Variants in RAPGEF1 observed in about 807,000 individuals in gnomAD.
RAPGEF1 encodes the protein Rap guanine nucleotide exchange factor 1.
In RAPGEF1, 33 loss-of-function variants were observed where a neutral mutation model predicts 143.3. The ratio of observed to expected loss-of-function variants is 0.23; its 90% CI spans 0.17 to 0.31. The LOEUF is 0.31. RAPGEF1 is among the 10% of genes least tolerant of loss of function. The probability of loss-of-function intolerance (pLI) is 1.00; values close to 1 mark genes in which losing one functional copy is unlikely to be tolerated. For synonymous variants in RAPGEF1, 629 were observed against 676.5 expected, an observed-to-expected ratio of 0.93 and a Z score of 1.09; for missense variants, 1,199 against 1,645.4, an observed-to-expected ratio of 0.73 and a Z score of 4.69.
At chr9:131,593,609 C>A (rs1954736693) in intron 17 of RAPGEF1, among the ~76,000 whole-genome samples, 1 of 152,212 alleles carries the variant, frequency 6.6e-6, no homozygotes, top group Non-Finnish European at 1.5e-5. Context: ...GCTGGCTTGG[C>A]TCCTGCCCCC....
At chr9:131,688,346 A>G (rs1031054391) in intron 1 of RAPGEF1, among the ~76,000 whole-genome samples, 1 of 152,218 alleles carries the variant, frequency 6.6e-6, no homozygotes, top group Non-Finnish European at 1.5e-5. Context: ...ACCACAATTC[A>G]CTGTTTATAC....
In RAPGEF1 at chr9:131,641,884, G is replaced by A. The variant is rs1000425931; in HGVS notation, c.494+1355C>T. 6.6e-6 allele frequency among the ~76,000 whole-genome samples: 1 copy of A among 152,256 alleles called. No homozygotes were observed. Among genetic ancestry groups the A allele is most frequent in the Non-Finnish European group, 1.5e-5 (1 of 68,036 alleles). ...CAGGGAGGAAGCCCCAGGGCAGAGA[G>A]TTTCTTGTAAATAAAGACACTATTT... is the stretch of plus-strand genomic sequence containing the variant. On this transcript the variant is annotated intron_variant, in intron 4 of 26. Transcript: ENST00000683357. The surrounding 1 kb of genome is among the most constrained non-coding windows in gnomAD (Gnocchi z 4.6).
At chr9:131,654,236 GA>G (rs530928449) in intron 1 of RAPGEF1, among the ~76,000 whole-genome samples, 51 of 146,608 alleles carry the variant, frequency 3.5e-4, no homozygotes, top group East Asian at 4.0e-4. Context: ...TGAATTACTA[GA>G]AAAAAAAAAG....
At chr9:131,627,145 C>T (rs960832688) in intron 9 of RAPGEF1, among the ~76,000 whole-genome samples, 4 of 134,632 alleles carry the variant, frequency 3.0e-5, no homozygotes, top group Admixed American at 8.3e-5. Context: ...ACCCGGGAGG[C>T]GGAGGTTGCA....
chr9:131,615,365 C>T (rs898363604), intron 12 of RAPGEF1, among the ~76,000 whole-genome samples: 4 of 152,184 alleles, frequency 2.6e-5, no homozygotes, highest in Admixed American at 1.3e-4. Context: ...TGAGCCACTG[C>T]ACCCAGCCGG....
At chr9:131,602,732 A>C (rs1359512508) in intron 14 of RAPGEF1, among the ~76,000 whole-genome samples, 1 of 152,230 alleles carries the variant, frequency 6.6e-6, no homozygotes, top group Non-Finnish European at 1.5e-5. Flanking sequence ...TCAGTCCCCA[A>C]AGGGCCAGCT....
chr9:131,667,982 G>T lies in RAPGEF1; in HGVS notation c.62-17033C>A, dbSNP rs1250807508. 6.6e-6 allele frequency among the ~76,000 whole-genome samples: 1 copy of T among 152,070 alleles called. No individual in the cohort carries two copies. Among genetic ancestry groups the T allele is most frequent in the Non-Finnish European group, 1.5e-5 (1 of 68,000 alleles). ...ACCGTTCAAAAATATACTCCTTTTT[G>T]GGATAAATGCCACCATCTTCAGTGG... On this transcript the variant is annotated intron_variant, in intron 1 of 26. Coordinates refer to ENST00000683357, the MANE Select transcript of RAPGEF1 (RefSeq NM_001377935.1). This position sits in a 1 kb window ranked among gnomAD's most constrained non-coding sequence, Gnocchi z 4.6.
In RAPGEF1 at chr9:131,675,373, C is replaced by T. The variant is rs1171685083; in HGVS notation, c.62-24424G>A. 2.0e-5 allele frequency among the ~76,000 whole-genome samples: 3 copies of T among 152,158 alleles called. No individual in the cohort carries two copies. The highest frequency in any genetic ancestry group is 4.8e-5 in the African/African-American group (2 of 41,432). ...GAGGGCTCTGCGGGAGCAGGGAGCCCGGCAGCTTCCTGCGGGTGCCGGGAC... is the reference window on the plus strand; with the variant it reads ...GAGGGCTCTGCGGGAGCAGGGAGCCTGGCAGCTTCCTGCGGGTGCCGGGAC... On this transcript the variant is annotated intron_variant, in intron 1 of 26. Transcript: ENST00000683357. The surrounding 1 kb of genome is among the most constrained non-coding windows in gnomAD (Gnocchi z 4.6).
intron 26 of RAPGEF1, 132 bp from the exon 27 acceptor site, chr9:131,579,779 C>T (rs1158175353): frequency 1.6e-5 from 15 of 966,768 alleles, no homozygotes; most frequent in South Asian, 3.3e-5. Flanking sequence ...CAGGGGCTAC[C>T]GTTGACCAAT....
chr9:131,639,120 A>G (rs903000663), intron 4 of RAPGEF1, among the ~76,000 whole-genome samples: 1 of 152,148 alleles, frequency 6.6e-6, no homozygotes, highest in African/African-American at 2.4e-5. Context: ...GGAGTGCCCC[A>G]TCTTCCCCTC....
chr9:131,700,670 C>T (rs1213089637), intron 1 of RAPGEF1, among the ~76,000 whole-genome samples: 2 of 151,962 alleles, frequency 1.3e-5, no homozygotes, highest in Admixed American at 1.3e-4. Context: ...ATGCTGAAAG[C>T]CTCTATAGTC....
intron 10 of RAPGEF1, among the ~76,000 whole-genome samples, chr9:131,624,434 G>C (rs748643639): frequency 2.6e-5 from 4 of 152,228 alleles, no homozygotes; most frequent in Non-Finnish European, 5.9e-5. Context: ...TCAGCCACTT[G>C]AGACTGTTTG....
intron 1 of RAPGEF1, among the ~76,000 whole-genome samples, chr9:131,722,223 A>G (rs915620544): frequency 6.6e-6 from 1 of 152,262 alleles, no homozygotes. Flanking sequence ...GCTCCCACTC[A>G]CACAGCGGTA....
chr9:131,687,628 GC>G (rs1833461197), intron 1 of RAPGEF1, among the ~76,000 whole-genome samples: 2 of 152,160 alleles, frequency 1.3e-5, no homozygotes, highest in Admixed American at 1.3e-4. Flanking sequence ...CAAAGGAAAC[GC>G]ATGGAGGCAA....
At chr9:131,722,570 T>C (rs1280571637) in intron 1 of RAPGEF1, among the ~76,000 whole-genome samples, 2 of 152,210 alleles carry the variant, frequency 1.3e-5, no homozygotes, top group Non-Finnish European at 2.9e-5. Context: ...ACTAGACATT[T>C]AGGCTCCCAG....
intron 1 of RAPGEF1, chr9:131,709,758 G>C: frequency 6.2e-7 from 1 of 1,606,640 alleles, no homozygotes; most frequent in East Asian, 2.2e-5. Flanking sequence ...CCGAGTCACT[G>C]GCTGAAAGGG....
rs1961933001 is a variant in RAPGEF1 at position 131,623,549 on chromosome 9, G to A, written c.1703-1551C>T. Among the ~76,000 whole-genome samples, 4 of 152,246 alleles carry A rather than the reference G, an allele frequency of 2.6e-5. No homozygotes were observed. The South Asian group carries it at 8.3e-4, about 31-fold the overall frequency. On this transcript the variant is annotated intron_variant, in intron 10 of 26. Coordinates refer to ENST00000683357, the MANE Select transcript of RAPGEF1 (RefSeq NM_001377935.1). The stretch of plus-strand genomic sequence containing the variant: ...ACACCTGCTAGCCAAGCACAGAACA[G>A]CAGTGATGCTCCCAGCCTTCTAGAA...
rs532831869 is a variant in RAPGEF1, at chr9:131,615,285, G to A, written c.2061+3766C>T. On this transcript the variant is annotated intron_variant, in intron 12 of 26. Transcript: ENST00000683357. ...GAGCCGGGGTTTCACCGTCTTAGCC[G>A]GGATGGTCTTGATTTCCTGACCTCG... Among the ~76,000 whole-genome samples the A allele has an allele frequency of 7.2e-5, 11 of 152,272 alleles. No homozygotes were observed. In the East Asian group the frequency reaches 9.7e-4, roughly 13 times the overall value.
intron 1 of RAPGEF1, among the ~76,000 whole-genome samples, chr9:131,685,506 T>C (rs986428593): frequency 2.6e-5 from 4 of 152,244 alleles, no homozygotes; most frequent in Non-Finnish European, 5.9e-5. Flanking sequence ...AACAATAACA[T>C]GAGCGATCTG....
Sources: gnomAD v4.1 joint callset for allele counts (sites outside exome capture counted in the v4.1 genomes callset) on GRCh38, gnomAD v4.1.1 for gene constraint, Gnocchi (gnomAD v3.1) non-coding constraint, MANE v1.5 for transcripts, NCBI Gene and HGNC (gene_info 2026-07-23, HGNC 2026-07-21) for gene names.